Variants in PARD3B observed in about 807,000 individuals in gnomAD.
PARD3B encodes the protein partitioning defective 3 homolog B.
A neutral mutation model predicts 130.2 loss-of-function variants in PARD3B; 103 were observed. That is an observed-to-expected ratio of 0.79 (90% CI 0.67 to 0.93). PARD3B has a LOEUF of 0.93. PARD3B is among the 40% of genes least tolerant of loss of function. PARD3B has a pLI of 0.00. For synonymous variants in PARD3B, 583 were observed against 553.2 expected, an observed-to-expected ratio of 1.05 and a Z score of -0.76; for missense variants, 1,609 against 1,499.2, an observed-to-expected ratio of 1.07 and a Z score of -1.21.
intron 2 of PARD3B, among the ~76,000 whole-genome samples, chr2:204,910,396 G>T (rs1051156674): frequency 2.0e-5 from 3 of 152,162 alleles, no homozygotes; most frequent in African/African-American, 7.2e-5. Flanking sequence ...GAAGCAGAAA[G>T]TTGAAAGGTA....
At position 205,021,604 on chromosome 2, in the gene PARD3B, C is replaced by G. The variant is rs892977653; in HGVS notation, c.395-25977C>G. ...TCTCTCTCTCTTCTCTTCTCTCTCT[C>G]TCTCTCTCTCTCTCTCCCTCTCTCT... is the stretch of plus-strand genomic sequence containing the variant. On this transcript the variant is annotated intron_variant, in intron 3 of 22. Transcript: ENST00000406610. The surrounding 1 kb of genome is among the most constrained non-coding windows in gnomAD (Gnocchi z 4.5). 7.1e-6 allele frequency among the ~76,000 whole-genome samples: 1 copy of G among 141,640 alleles called. No homozygotes were observed. Among genetic ancestry groups the G allele is most frequent in the Admixed American group, 7.5e-5 (1 of 13,294 alleles). The allele number at this position is 141,640 out of a possible 152,430, so 92.9% of individuals were successfully genotyped here. A position where few individuals can be genotyped will look rare whatever the true frequency, so the allele number is the denominator to read the frequency against.
chr2:204,985,366 G>T (rs895394763), intron 3 of PARD3B, among the ~76,000 whole-genome samples: 1 of 152,150 alleles, frequency 6.6e-6, no homozygotes, highest in African/African-American at 2.4e-5. Context: ...AAGTGGTTGA[G>T]TGGATACTAC....
At chr2:205,342,146 T>C (rs1365429476) in intron 18 of PARD3B, among the ~76,000 whole-genome samples, 3 of 152,174 alleles carry the variant, frequency 2.0e-5, no homozygotes, top group African/African-American at 7.2e-5. Context: ...AAGGAATAGA[T>C]GGGAGGGAAG....
chr2:205,509,708 A>G (rs2050518194), intron 21 of PARD3B, among the ~76,000 whole-genome samples: 2 of 152,222 alleles, frequency 1.3e-5, no homozygotes, highest in Non-Finnish European at 2.9e-5. Flanking sequence ...TTGCTACTAC[A>G]CTAGCCTCTG....
At chr2:205,022,408 G>A (rs953035076) in intron 3 of PARD3B, among the ~76,000 whole-genome samples, 6 of 152,150 alleles carry the variant, frequency 3.9e-5, no homozygotes, top group African/African-American at 1.4e-4. Context: ...CCAACTTAGA[G>A]TGAATCTTAA....
At chr2:204,603,578 G>A (rs1455066573) in intron 1 of PARD3B, among the ~76,000 whole-genome samples, 1 of 151,744 alleles carries the variant, frequency 6.6e-6, no homozygotes, top group African/African-American at 2.4e-5. Flanking sequence ...TCATAACATA[G>A]GACATTTTTG....
chr2:204,896,053 T>C (rs890898478), intron 2 of PARD3B, among the ~76,000 whole-genome samples: 1 of 152,200 alleles, frequency 6.6e-6, no homozygotes, highest in African/African-American at 2.4e-5. Flanking sequence ...GGTTTTGGAA[T>C]GTACAGGTTC....
intron 16 of PARD3B, among the ~76,000 whole-genome samples, chr2:205,252,168 G>A (rs1261999289): frequency 6.6e-6 from 1 of 152,144 alleles, no homozygotes; most frequent in African/African-American, 2.4e-5. Context: ...CAAATATGGA[G>A]CAGGTGTATG....
intron 22 of PARD3B, among the ~76,000 whole-genome samples, chr2:205,608,559 T>C (rs2055105215): frequency 2.0e-5 from 3 of 152,296 alleles, no homozygotes; most frequent in East Asian, 1.9e-4. Context: ...GATTTCCCTC[T>C]CTATGTTGTT....
chr2:204,997,337 A>C (rs1694313362), intron 3 of PARD3B, among the ~76,000 whole-genome samples: 1 of 152,162 alleles, frequency 6.6e-6, no homozygotes, highest in African/African-American at 2.4e-5. Context: ...GTTTGGAGAG[A>C]ATTGGCATTC....
chr2:205,614,522 A>G (rs1487576551), intron 22 of PARD3B, among the ~76,000 whole-genome samples: 1 of 151,902 alleles, frequency 6.6e-6, no homozygotes, highest in Non-Finnish European at 1.5e-5. Flanking sequence ...TGGCCAACAT[A>G]ATGAAACCCA....
intron 16 of PARD3B, among the ~76,000 whole-genome samples, chr2:205,251,286 T>C (rs1193944014): frequency 6.6e-6 from 1 of 152,236 alleles, no homozygotes; most frequent in East Asian, 1.9e-4. Flanking sequence ...CAGGAGTGTG[T>C]GGGCCAAGTT....
intron 15 of PARD3B, among the ~76,000 whole-genome samples, chr2:205,225,383 C>G (rs1196317465): frequency 6.6e-6 from 1 of 152,100 alleles, no homozygotes; most frequent in Non-Finnish European, 1.5e-5. Context: ...TTTTACTATA[C>G]CTGTTTGCCA....
At chr2:204,996,683 G>C (rs1230655521) in intron 3 of PARD3B, among the ~76,000 whole-genome samples, 1 of 149,566 alleles carries the variant, frequency 6.7e-6, no homozygotes, top group Non-Finnish European at 1.5e-5. Flanking sequence ...CCCCAGCCTC[G>C]TTGCCGCCTT....
At chr2:205,213,809 A>G (rs980229395) in intron 15 of PARD3B, among the ~76,000 whole-genome samples, 6 of 152,146 alleles carry the variant, frequency 3.9e-5, no homozygotes, top group African/African-American at 1.4e-4. Context: ...CACAGGAAAT[A>G]AAGAAGGTCA....
At chr2:204,641,750 G>A (rs182543512) in intron 1 of PARD3B, among the ~76,000 whole-genome samples, 9 of 152,276 alleles carry the variant, frequency 5.9e-5, no homozygotes, top group Admixed American at 2.0e-4. Flanking sequence ...CTATTCCAGT[G>A]TTTAGAATGC....
chr2:205,080,764 A>T (rs190390779), intron 4 of PARD3B, among the ~76,000 whole-genome samples: 466 of 152,270 alleles, frequency 3.1e-3, no homozygotes, highest in African/African-American at 8.8e-3. Flanking sequence ...AGACAGTAGG[A>T]ATTCCATATC....
intron 4 of PARD3B, among the ~76,000 whole-genome samples, chr2:205,054,571 A>G (rs577545853): frequency 1.3e-5 from 2 of 150,100 alleles, no homozygotes; most frequent in African/African-American, 2.5e-5. Context: ...CATTAGGTAT[A>G]TCTCCTAATG....
intron 2 of PARD3B, among the ~76,000 whole-genome samples, chr2:204,883,381 A>T (rs2046125222): frequency 7.4e-6 from 1 of 135,846 alleles, no homozygotes; most frequent in Non-Finnish European, 1.6e-5. Context: ...TTCTTTTTTT[A>T]TTTTATGTGT....
Sources: gnomAD v4.1 joint callset for allele counts (sites outside exome capture counted in the v4.1 genomes callset) on GRCh38, gnomAD v4.1.1 for gene constraint, Gnocchi (gnomAD v3.1) non-coding constraint, MANE v1.5 for transcripts, NCBI Gene and HGNC (gene_info 2026-07-23, HGNC 2026-07-21) for gene names.